BST1: variants seen among roughly 807,000 people sequenced by gnomAD.
The protein encoded by BST1 is bone marrow stromal cell antigen 1.
Under a neutral mutation model 40.6 loss-of-function variants are expected in BST1, and 49 were observed. That is an observed-to-expected ratio of 1.21 (90% CI 0.96 to 1.53). The LOEUF (loss-of-function observed/expected upper bound fraction) is 1.53, where lower values mean the gene tolerates loss of function less well. Among genes scored for constraint, BST1 ranks in the 40% most tolerant of loss-of-function variants. The probability of loss-of-function intolerance (pLI) is 0.00; values close to 1 mark genes in which losing one functional copy is unlikely to be tolerated. For synonymous variants in BST1, 157 were observed against 159.3 expected, an observed-to-expected ratio of 0.99 and a Z score of 0.11; for missense variants, 423 against 395.9, an observed-to-expected ratio of 1.07 and a Z score of -0.58.
chr4:15,707,652 AC>A lies in BST1; in HGVS notation c.451+7del. The A allele has an allele frequency of 6.2e-7, 1 of 1,613,156 alleles. No individual in the cohort carries two copies. The highest frequency in any genetic ancestry group is 8.5e-7 in the Non-Finnish European group (1 of 1,179,764). ...TCGACAGAAAAATGACTCTGGTAAG[AC>A]TCCTGCACAAATCACAGGAGACTTA... On this transcript the variant is annotated splice_region_variant and intron_variant, in intron 3 of 8. Transcript: ENST00000265016.
In BST1 at chr4:15,703,106, G is replaced by A; in HGVS notation, c.-39G>A. On this transcript the variant is annotated 5_prime_UTR_variant, in exon 1 of 9. In the 5' UTR this introduces an upstream ATG that the reference lacks. Coordinates refer to ENST00000265016, the MANE Select transcript of BST1 (RefSeq NM_004334.3). The stretch of plus-strand genomic sequence containing the variant: ...GCCTTGGTAGAAGGAGAGAAGGGGA[G>A]TGGAGGAAGCACGGGACTGGAGGGA... 2 of 1,543,946 alleles carry A rather than the reference G, an allele frequency of 1.3e-6. No homozygotes were observed. The highest frequency in any genetic ancestry group is 1.4e-5 in the African/African-American group (1 of 70,632).
chr4:15,744,011 C>T, the BST1 span, among the ~76,000 whole-genome samples: 1 of 152,216 alleles, frequency 6.6e-6, no homozygotes, highest in Non-Finnish European at 1.5e-5. Context: ...TAGAGTCTTT[C>T]TTTCCTTGGG....
chr4:15,773,621 C>T, the BST1 span, among the ~76,000 whole-genome samples: 1 of 151,926 alleles, frequency 6.6e-6, no homozygotes, highest in Non-Finnish European at 1.5e-5. Context: ...GGCAACATGG[C>T]GAAACCCCAT....
chr4:15,740,195 A>C (rs1167920493), downstream of BST1, among the ~76,000 whole-genome samples: 1 of 152,116 alleles, frequency 6.6e-6, no homozygotes, highest in African/African-American at 2.4e-5. Context: ...CTGGGACTAC[A>C]GGCACACGCC....
intron 4 of BST1, among the ~76,000 whole-genome samples, 185 bp downstream of exon 4, chr4:15,712,074 C>T (rs1456968379): frequency 1.3e-5 from 2 of 152,186 alleles, no homozygotes; most frequent in African/African-American, 2.4e-5. Context: ...GAATAAAATA[C>T]TTAATGCAGT....
the BST1 span, among the ~76,000 whole-genome samples, chr4:15,752,897 C>A: frequency 2.0e-5 from 3 of 152,030 alleles, no homozygotes; most frequent in African/African-American, 7.2e-5. Flanking sequence ...CACATTGATG[C>A]TGGTTGATAA....
At chr4:15,740,301 C>G (rs1023534350), downstream of BST1, among the ~76,000 whole-genome samples, 1 of 152,188 alleles carries the variant, frequency 6.6e-6, no homozygotes, top group Non-Finnish European at 1.5e-5. Flanking sequence ...CAGTGATCTG[C>G]CCGCCTTGGG....
At chr4:15,762,591 T>G in the BST1 span, among the ~76,000 whole-genome samples, 1 of 152,010 alleles carries the variant, frequency 6.6e-6, no homozygotes, top group Non-Finnish European at 1.5e-5. Flanking sequence ...ATTTCACCAT[T>G]TCTGCTAACC....
intron 7 of BST1, among the ~76,000 whole-genome samples, chr4:15,721,909 G>A (rs1180477319): frequency 1.3e-5 from 2 of 152,128 alleles, no homozygotes; most frequent in East Asian, 1.9e-4. Context: ...TCACGTTCCT[G>A]TTCTTCCATA....
downstream of BST1, among the ~76,000 whole-genome samples, chr4:15,739,727 C>G (rs1465306042): frequency 6.6e-6 from 1 of 152,128 alleles, no homozygotes; most frequent in Non-Finnish European, 1.5e-5. Flanking sequence ...AGTTAACATA[C>G]AGTGACAAGC....
At chr4:15,750,927 G>A in the BST1 span, among the ~76,000 whole-genome samples, 1 of 152,124 alleles carries the variant, frequency 6.6e-6, no homozygotes, top group African/African-American at 2.4e-5. Flanking sequence ...ACAATGAATG[G>A]TGTGCAATAT....
chr4:15,716,772 T>C (rs1720538032), intron 6 of BST1, among the ~76,000 whole-genome samples: 1 of 152,218 alleles, frequency 6.6e-6, no homozygotes, highest in African/African-American at 2.4e-5. Flanking sequence ...TTGCTCTCTC[T>C]GGAAGTTATA....
chr4:15,704,194 A>T (rs1719743809), intron 1 of BST1, among the ~76,000 whole-genome samples: 1 of 126,602 alleles, frequency 7.9e-6, no homozygotes, highest in South Asian at 2.7e-4. Flanking sequence ...TGTGTGTTCT[A>T]GAGGTGAGGG....
the BST1 span, among the ~76,000 whole-genome samples, chr4:15,744,139 A>AATTTAAG: frequency 6.6e-6 from 1 of 152,222 alleles, no homozygotes; most frequent in Non-Finnish European, 1.5e-5. Flanking sequence ...CCGAAAGCTG[A>AATTTAAG]ATTTAAGTGA....
At chr4:15,773,871 A>G in the BST1 span, among the ~76,000 whole-genome samples, 6 of 151,758 alleles carry the variant, frequency 4.0e-5, no homozygotes, top group Admixed American at 3.3e-4. Flanking sequence ...CAAAAACAAA[A>G]CCCATTCTTG....
the BST1 span, among the ~76,000 whole-genome samples, chr4:15,771,236 G>A: frequency 6.6e-6 from 1 of 152,304 alleles, no homozygotes; most frequent in Non-Finnish European, 1.5e-5. Flanking sequence ...ACTTCAAGCT[G>A]ATGAGTAGAC....
In BST1 at chr4:15,716,923, C is replaced by T. The variant is rs115163324; in HGVS notation, c.704+1124C>T. 4.0e-3 allele frequency among the ~76,000 whole-genome samples: 610 copies of T among 152,114 alleles called. 2 individuals carry two copies. Among genetic ancestry groups the T allele is most frequent in the African/African-American group, 0.014 (575 of 41,492 alleles). ...CCCGAGTAGCTGGGATTACAGGTGT[C>T]CGTTACCACGCCCAGCTGATTTTTT... On this transcript the variant is annotated intron_variant, in intron 6 of 8. Transcript: ENST00000265016.
chr4:15,707,855 C>CTCTATATATATA (rs544633858), intron 3 of BST1, among the ~76,000 whole-genome samples: 3 of 128,648 alleles, frequency 2.3e-5, no homozygotes, highest in African/African-American at 8.8e-5. Context: ...CTCTCTCTCT[C>CTCTATATATATA]TATATATATA....
At chr4:15,771,495 G>C in the BST1 span, among the ~76,000 whole-genome samples, 1 of 152,318 alleles carries the variant, frequency 6.6e-6, no homozygotes, top group Admixed American at 6.5e-5. Context: ...GGGCTATAGG[G>C]TTCCTTTAGG....
Sources: allele counts gnomAD v4.1 joint callset (sites outside exome capture counted in the v4.1 genomes callset), GRCh38; gene constraint gnomAD v4.1.1; transcripts MANE v1.5; gene names NCBI Gene and HGNC (gene_info 2026-07-23, HGNC 2026-07-21).